Variants in ELAVL4 observed in about 807,000 individuals in gnomAD.
The protein encoded by ELAVL4 is ELAV like RNA binding protein 4, also known as ELAV-like protein 4.
Under a neutral mutation model 35.6 loss-of-function variants are expected in ELAVL4, and 1 was observed. The ratio of observed to expected loss-of-function variants is 0.03; its 90% confidence interval spans 0.01 to 0.13. The LOEUF is 0.13. Ranked by LOEUF, ELAVL4 falls within the 10% of genes least tolerant of loss-of-function variation. The pLI, the probability that ELAVL4 is intolerant of heterozygous loss-of-function variation, is 1.00. For missense variants in ELAVL4, 267 were observed against 464.9 expected (o/e 0.57, Z 3.91); for synonymous variants, 156 against 171.0 (o/e 0.91, Z 0.69).
intron 1 of ELAVL4, among the ~76,000 whole-genome samples, chr1:50,090,499 C>G (rs952877870): frequency 8.5e-5 from 13 of 152,170 alleles, no homozygotes; most frequent in African/African-American, 3.1e-4. Context: ...TCAGAATAGG[C>G]CAATTACTGT....
At chr1:50,132,843 C>T (rs973296995) in intron 1 of ELAVL4, among the ~76,000 whole-genome samples, 2 of 152,104 alleles carry the variant, frequency 1.3e-5, no homozygotes, top group Non-Finnish European at 2.9e-5. Context: ...AAAAACAAAA[C>T]AGAGTTGACA....
At chr1:50,086,437 AG>A (rs1342671121) in intron 1 of ELAVL4, among the ~76,000 whole-genome samples, 1 of 151,198 alleles carries the variant, frequency 6.6e-6, no homozygotes, top group African/African-American at 2.4e-5. Flanking sequence ...TAAGATTTAA[AG>A]GTATTTCTTT....
intron 1 of ELAVL4, among the ~76,000 whole-genome samples, chr1:50,094,860 G>A (rs371144051): frequency 6.6e-6 from 1 of 152,152 alleles, no homozygotes; most frequent in East Asian, 1.9e-4. Flanking sequence ...AACCCGGGAG[G>A]CAGAGGTTGC....
chr1:50,064,898 A>G (rs1361314864), intron 1 of ELAVL4, among the ~76,000 whole-genome samples: 2 of 152,046 alleles, frequency 1.3e-5, no homozygotes. Flanking sequence ...GTTGAGTTCC[A>G]TGAGGGCAGG....
intron 3 of ELAVL4, among the ~76,000 whole-genome samples, chr1:50,188,923 C>A (rs939630254): frequency 6.6e-6 from 1 of 152,214 alleles, no homozygotes; most frequent in African/African-American, 2.4e-5. Context: ...CTGTTGGAAG[C>A]AGCCCTCTGT....
chr1:50,193,940 T>C (rs781297254), intron 4 of ELAVL4, 22 bp downstream of exon 4: 1 of 1,612,598 alleles, frequency 6.2e-7, no homozygotes, highest in South Asian at 1.1e-5. Context: ...CTTTGTAATT[T>C]CTTTCCTTGT....
At chr1:50,149,536 A>G (rs1186924537) in intron 2 of ELAVL4, among the ~76,000 whole-genome samples, 2 of 144,678 alleles carry the variant, frequency 1.4e-5, no homozygotes, top group African/African-American at 5.0e-5. Context: ...GTACCCATGC[A>G]TTGTCCTTTT....
At chr1:50,052,261 T>A (rs1201240065) in intron 1 of ELAVL4, among the ~76,000 whole-genome samples, 2 of 152,116 alleles carry the variant, frequency 1.3e-5, no homozygotes, top group Non-Finnish European at 2.9e-5. Flanking sequence ...CAATTTGGAT[T>A]TACATGTGAG....
At chr1:50,096,918 T>A (rs954950656) in intron 1 of ELAVL4, among the ~76,000 whole-genome samples, 1 of 152,192 alleles carries the variant, frequency 6.6e-6, no homozygotes, top group African/African-American at 2.4e-5. Context: ...AGTTCTGCAT[T>A]TTATTAAAAT....
chr1:50,143,277 TC>T (rs1261132084), intron 1 of ELAVL4, among the ~76,000 whole-genome samples: 2 of 152,160 alleles, frequency 1.3e-5, no homozygotes, highest in Non-Finnish European at 2.9e-5. Context: ...TGAAAATGCT[TC>T]CCCCCTAAAT....
chr1:50,105,793 A>G (rs1666251673), upstream of ELAVL4: 1 of 153,808 alleles, frequency 6.5e-6, no homozygotes, highest in Non-Finnish European at 1.4e-5. Flanking sequence ...CTCTAGGGAA[A>G]TAATATATTG....
At position 50,181,698 on chromosome 1, in the gene ELAVL4, T is replaced by TG. The variant is rs1681061082; in HGVS notation, c.354+4506_354+4507insG. 2.0e-5 allele frequency among the ~76,000 whole-genome samples: 3 copies of TG among 150,552 alleles called. No homozygotes were observed. In the South Asian group the frequency reaches 6.4e-4, roughly 32 times the overall value. On this transcript the variant is annotated intron_variant, in intron 3 of 6. Transcript: ENST00000371824. ...GTGTTTGTTTTGTTTTGTTTTGTTTTTTTAGACAGAGTTTCACTCTTGTTG... is the reference window on the plus strand; with the variant it reads ...GTGTTTGTTTTGTTTTGTTTTGTTTTGTTTAGACAGAGTTTCACTCTTGTTG...
rs368142429 is a variant in ELAVL4, at chr1:50,154,626, A to C, written c.250+9429A>C. Reference sequence around the variant, plus strand: ...TTAGCAATCCCTGATATTTGCCCTTAGTGTTTGTTTTCAGAGGCTTTTATA... The same window carrying C: ...TTAGCAATCCCTGATATTTGCCCTTCGTGTTTGTTTTCAGAGGCTTTTATA... On this transcript the variant is annotated intron_variant, in intron 2 of 6. Transcript: ENST00000371824. Among the ~76,000 whole-genome samples the C allele has an allele frequency of 3.9e-5, 6 of 152,230 alleles. 1 individual carries two copies. Among genetic ancestry groups the C allele is most frequent in the African/African-American group, 1.4e-4 (6 of 41,532 alleles).
At chr1:50,171,463 T>G (rs1194995706) in intron 2 of ELAVL4, among the ~76,000 whole-genome samples, 1 of 152,224 alleles carries the variant, frequency 6.6e-6, no homozygotes, top group African/African-American at 2.4e-5. Flanking sequence ...TTTCCTTATC[T>G]GCACAGTAGG....
chr1:50,153,300 A>T (rs1318620525), intron 2 of ELAVL4, among the ~76,000 whole-genome samples: 4 of 152,208 alleles, frequency 2.6e-5, no homozygotes, highest in Non-Finnish European at 5.9e-5. Flanking sequence ...GTTTGATGGA[A>T]TGCCTACTGC....
At chr1:50,143,851 C>T (rs760120730) in intron 1 of ELAVL4, among the ~76,000 whole-genome samples, 46 of 152,076 alleles carry the variant, frequency 3.0e-4, no homozygotes, top group African/African-American at 1.0e-3. Context: ...GGCTTCATCT[C>T]GAATGTGAGT....
chr1:50,193,616 G>A (rs1557862747), intron 3 of ELAVL4, 149 bp from the exon 4 acceptor site: 2 of 883,000 alleles, frequency 2.3e-6, no homozygotes, highest in Non-Finnish European at 3.4e-6. Flanking sequence ...CTATTACAAG[G>A]GTAGCTAAAA....
chr1:50,154,775 TG>T (rs1675419837), intron 2 of ELAVL4, among the ~76,000 whole-genome samples: 2 of 151,936 alleles, frequency 1.3e-5, no homozygotes, highest in African/African-American at 4.8e-5. Context: ...TGTGTGTGTG[TG>T]TGTGTGTGTT....
At chr1:50,104,186 TC>T (rs1268050192), upstream of ELAVL4, among the ~76,000 whole-genome samples, 5 of 152,190 alleles carry the variant, frequency 3.3e-5, no homozygotes, top group Non-Finnish European at 7.3e-5. Context: ...GTCCCCAGTA[TC>T]CCCTTTTACC....
Sources: allele counts gnomAD v4.1 joint callset (sites outside exome capture counted in the v4.1 genomes callset), GRCh38; gene constraint gnomAD v4.1.1; transcripts MANE v1.5; gene names NCBI Gene and HGNC (gene_info 2026-07-23, HGNC 2026-07-21).